VTI1A: variants seen among roughly 807,000 people sequenced by gnomAD.
VTI1A encodes the protein vesicle transport through interaction with t-SNAREs 1A, also known as vesicle transport through interaction with t-SNAREs homolog 1A.
Under a neutral mutation model 34.9 loss-of-function variants are expected in VTI1A, and 22 were observed. The ratio of observed to expected loss-of-function variants is 0.63; its 90% CI spans 0.45 to 0.90. The LOEUF is 0.90. Among genes scored for constraint, VTI1A ranks in the 40% least tolerant of loss-of-function variants. The pLI, the probability that VTI1A is intolerant of heterozygous loss-of-function variation, is 0.00. For missense variants in VTI1A, 268 were observed against 275.6 expected, an observed-to-expected ratio of 0.97 and a Z score of 0.20; for synonymous variants, 87 against 97.3, an observed-to-expected ratio of 0.89 and a Z score of 0.62.
rs1564938669 is a variant in VTI1A, at chr10:112,818,526, C to G, written c.*3143C>G. 4.4e-6 allele frequency: 1 copy of G among 226,494 alleles called. No homozygotes were observed. The highest frequency in any genetic ancestry group is 8.8e-6 in the Non-Finnish European group (1 of 113,562). 14.0% of individuals were successfully genotyped at this position (226,494 alleles called of 1,614,324 possible). A position where few individuals can be genotyped will look rare whatever the true frequency, so the allele number is the denominator to read the frequency against. ...TTTCAAATCCGAGGAAAACAGCCTG[C>G]CTGCTGCTGTATTTGAAGTTGTAAT... On this transcript the variant is annotated 3_prime_UTR_variant, in exon 8 of 8. Coordinates refer to ENST00000393077, the MANE Select transcript of VTI1A (RefSeq NM_145206.4).
the VTI1A span, among the ~76,000 whole-genome samples, chr10:112,833,188 C>T: frequency 1.3e-5 from 2 of 151,966 alleles, no homozygotes; most frequent in Non-Finnish European, 2.9e-5. Context: ...CTCTTTTGTC[C>T]TCTTCCTCTC....
chr10:112,648,490 T>C (rs544859386), intron 5 of VTI1A, among the ~76,000 whole-genome samples: 1 of 152,316 alleles, frequency 6.6e-6, no homozygotes, highest in South Asian at 2.1e-4. Context: ...TCAACCATGA[T>C]AAATTAATTA....
intron 7 of VTI1A, among the ~76,000 whole-genome samples, chr10:112,679,014 T>C (rs555965757): frequency 2.6e-5 from 4 of 152,342 alleles, no homozygotes; most frequent in African/African-American, 7.2e-5. Context: ...TTTTTTATTA[T>C]GCGGCAATTG....
intron 7 of VTI1A, among the ~76,000 whole-genome samples, chr10:112,683,835 G>T (rs1031329722): frequency 3.3e-5 from 5 of 152,152 alleles, no homozygotes; most frequent in African/African-American, 1.2e-4. Context: ...CTGAGGTCAG[G>T]AGTTCGAGAC....
At chr10:112,727,481 A>G (rs1393989109) in intron 7 of VTI1A, among the ~76,000 whole-genome samples, 2 of 152,190 alleles carry the variant, frequency 1.3e-5, no homozygotes, top group African/African-American at 4.8e-5. Context: ...TACATGAAAA[A>G]AATATGATAG....
intron 5 of VTI1A, among the ~76,000 whole-genome samples, chr10:112,620,305 A>G (rs758389463): frequency 3.3e-5 from 5 of 152,200 alleles, no homozygotes; most frequent in Admixed American, 6.5e-5. Context: ...ATCTATGAAG[A>G]GGAAAGACAC....
intron 5 of VTI1A, among the ~76,000 whole-genome samples, chr10:112,664,955 C>A (rs1002154551): frequency 3.3e-5 from 5 of 152,152 alleles, no homozygotes; most frequent in Admixed American, 6.5e-5. Flanking sequence ...AAGACCCTCG[C>A]AGTCAACAAG....
chr10:112,614,612 G>C (rs1433269163), intron 5 of VTI1A, among the ~76,000 whole-genome samples: 1 of 152,174 alleles, frequency 6.6e-6, no homozygotes, highest in East Asian at 1.9e-4. Flanking sequence ...TTATCCAAGA[G>C]AGCTCCTGTA....
rs192729670 is a variant in VTI1A, at chr10:112,546,105, T to C, written c.427+7775T>C. On this transcript the variant is annotated intron_variant, in intron 5 of 7. Coordinates refer to ENST00000393077, the MANE Select transcript of VTI1A (RefSeq NM_145206.4). Reference sequence around the variant, plus strand: ...GTATACGCGTATGTGTGTATATACGTGTATACACGTGTGTGTGTATTTTGC... The same window carrying C: ...GTATACGCGTATGTGTGTATATACGCGTATACACGTGTGTGTGTATTTTGC... Among the ~76,000 whole-genome samples, 14 of 148,274 alleles carry C rather than the reference T, an allele frequency of 9.4e-5. 1 individual carries two copies. Among genetic ancestry groups the C allele is most frequent in the Admixed American group, 2.0e-4 (3 of 14,858 alleles).
At chr10:112,795,718 G>A (rs993120748) in intron 7 of VTI1A, among the ~76,000 whole-genome samples, 10 of 152,046 alleles carry the variant, frequency 6.6e-5, no homozygotes, top group Non-Finnish European at 1.0e-4. Flanking sequence ...TTACAGGCAT[G>A]AGCCACTGCG....
In VTI1A at chr10:112,568,352, C is replaced by T. The variant is rs187843813; in HGVS notation, c.427+30022C>T. Among the ~76,000 whole-genome samples the T allele has an allele frequency of 1.4e-4, 22 of 152,044 alleles. No homozygotes were observed. In the East Asian group the frequency reaches 4.1e-3, roughly 28 times the overall value. ...TGAAACCCCGTCTCTACTAAAAATA[C>T]AAAAATTAGCTGGGCATGATGGTAG... On this transcript the variant is annotated intron_variant, in intron 5 of 7. Transcript: ENST00000393077.
chr10:112,587,164 G>A (rs541836288), intron 5 of VTI1A, among the ~76,000 whole-genome samples: 1 of 152,214 alleles, frequency 6.6e-6, no homozygotes, highest in South Asian at 2.1e-4. Context: ...AATAAAATTT[G>A]TGGGAAATTA....
intron 5 of VTI1A, among the ~76,000 whole-genome samples, chr10:112,586,070 T>A (rs538379913): frequency 1.3e-5 from 2 of 151,412 alleles, no homozygotes; most frequent in South Asian, 2.1e-4. Context: ...TACCAAAATA[T>A]CACAGGGAAG....
intron 5 of VTI1A, among the ~76,000 whole-genome samples, chr10:112,631,753 C>T (rs1255400921): frequency 5.3e-5 from 8 of 152,142 alleles, no homozygotes; most frequent in African/African-American, 1.9e-4. Context: ...GCAGGAAGCT[C>T]TGGAACAAAA....
chr10:112,641,507 G>A (rs781646872), intron 5 of VTI1A, among the ~76,000 whole-genome samples: 2 of 152,138 alleles, frequency 1.3e-5, no homozygotes, highest in Non-Finnish European at 2.9e-5. Context: ...CAAGAGGGGA[G>A]GTGACCTTAG....
At chr10:112,464,878 TGC>T (rs1432470276) in intron 3 of VTI1A, 16 of 561,464 alleles carry the variant, frequency 2.8e-5, no homozygotes, top group Non-Finnish European at 4.4e-5. Flanking sequence ...ATCCAAATCA[TGC>T]GGCCCTTTGA....
At chr10:112,781,833 C>T (rs575039832) in intron 7 of VTI1A, among the ~76,000 whole-genome samples, 91 of 152,168 alleles carry the variant, frequency 6.0e-4, no homozygotes, top group African/African-American at 2.1e-3. Context: ...CCAGCCTGGG[C>T]GACAGAGTGA....
chr10:112,844,643 C>T, the VTI1A span, among the ~76,000 whole-genome samples: 1 of 152,204 alleles, frequency 6.6e-6, no homozygotes, highest in South Asian at 2.1e-4. Context: ...AGGTGATCCA[C>T]GCATCTCAGT....
At chr10:112,711,124 C>A (rs1354959156) in intron 7 of VTI1A, among the ~76,000 whole-genome samples, 1 of 152,190 alleles carries the variant, frequency 6.6e-6, no homozygotes, top group Non-Finnish European at 1.5e-5. Flanking sequence ...GGCTCCCAAT[C>A]TGTAGAAAAA....
Sources: gnomAD v4.1 joint callset for allele counts (sites outside exome capture counted in the v4.1 genomes callset) on GRCh38, gnomAD v4.1.1 for gene constraint, MANE v1.5 for transcripts, NCBI Gene and HGNC (gene_info 2026-07-23, HGNC 2026-07-21) for gene names.